Variants in HDAC1 observed in about 807,000 individuals in gnomAD.
The protein encoded by HDAC1 is histone deacetylase 1.
Under a neutral mutation model 65.5 loss-of-function variants are expected in HDAC1, and 18 were observed. That is an observed-to-expected ratio of 0.27 (90% confidence interval 0.19 to 0.41). HDAC1 has a LOEUF of 0.41. Among genes scored for constraint, HDAC1 ranks in the 10% least tolerant of loss-of-function variants. HDAC1 has a pLI of 1.00. For synonymous variants in HDAC1, 211 were observed against 227.9 expected (o/e 0.93, Z 0.67); for missense variants, 373 against 625.2 (o/e 0.60, Z 4.30).
At chr1:32,314,538 G>A (rs1641032150) in intron 2 of HDAC1, among the ~76,000 whole-genome samples, 1 of 151,928 alleles carries the variant, frequency 6.6e-6, no homozygotes, top group Admixed American at 6.6e-5. Context: ...TAAATATAGA[G>A]ATATTTCGCC....
intron 12 of HDAC1, 110 bp from the exon 13 acceptor site, chr1:32,332,587 CTCTT>C (rs1402470151): frequency 4.3e-5 from 34 of 782,280 alleles, no homozygotes; most frequent in Middle Eastern, 3.3e-4. Flanking sequence ...GGGCTTTTCT[CTCTT>C]TATGTCCAGT....
At position 32,292,210 on chromosome 1, in the gene HDAC1, A is replaced by G; in HGVS notation, c.41A>G (p.Tyr14Cys). 1 of 1,548,688 alleles carries G rather than the reference A, an allele frequency of 6.5e-7. No homozygotes were observed. The highest frequency in any genetic ancestry group is 8.7e-7 in the Non-Finnish European group (1 of 1,146,340). The change falls in exon 1 of 14, where the codon TAC becomes TGC. Residue 14 changes from tyrosine to cysteine, a missense_variant. Tyr to Cys is a radical substitution (Grantham distance 194). Around this residue, in one of 4 missense-constraint regions of HDAC1, gnomAD observed 80 missense variants for 126.3 expected, o/e 0.63. Transcript: ENST00000373548. ...GGCACCCGGAGGAAAGTCTGTTACT[A>G]CTACGACGGTGAGCACCGTCCTCGC... ...TQGTRRKVCY[Y>C]YDGDVGNYYY...
rs539170082 is a variant in HDAC1 at position 32,313,874 on chromosome 1, G to A, written c.163-2791G>A. The stretch of plus-strand genomic sequence containing the variant: ...TGTGAGTGCACCCTGTGATGGAATG[G>A]CGTCCTGTCCAAGGTTGGTTCCTTG... On this transcript the variant is annotated intron_variant, in intron 2 of 13. Coordinates refer to ENST00000373548, the MANE Select transcript of HDAC1 (RefSeq NM_004964.3). Among the ~76,000 whole-genome samples, 6 of 152,310 alleles carry A rather than the reference G, an allele frequency of 3.9e-5. No homozygotes were observed. In the East Asian group the frequency reaches 1.2e-3, roughly 29 times the overall value.
At chr1:32,315,823 A>G (rs1389300970) in intron 2 of HDAC1, among the ~76,000 whole-genome samples, 1 of 149,846 alleles carries the variant, frequency 6.7e-6, no homozygotes, top group East Asian at 2.0e-4. Flanking sequence ...AAAATTAGCC[A>G]GCGTCGTGGT....
intron 4 of HDAC1, among the ~76,000 whole-genome samples, chr1:32,325,511 A>G (rs1641204891): frequency 6.6e-6 from 1 of 152,190 alleles, no homozygotes; most frequent in Non-Finnish European, 1.5e-5. Flanking sequence ...TATCTGTGTC[A>G]CACATATACA....
chr1:32,294,576 A>G (rs1325361434), intron 1 of HDAC1, among the ~76,000 whole-genome samples: 2 of 148,358 alleles, frequency 1.3e-5, no homozygotes, highest in African/African-American at 5.0e-5. Context: ...CAGTGGCGCA[A>G]TCTCGGCTCA....
At chr1:32,319,114 G>T (rs1307224503) in intron 3 of HDAC1, among the ~76,000 whole-genome samples, 1 of 151,574 alleles carries the variant, frequency 6.6e-6, no homozygotes, top group South Asian at 2.1e-4. Flanking sequence ...GCGAGACTCC[G>T]TCTCAAAAAA....
In HDAC1 at chr1:32,324,467, A is replaced by C; in HGVS notation, c.281-12A>C. ...AATTGTGGAAACTAACCTTTTGCTTATTTCTTTCAAGTCAACGTTGGTGAG... is the reference window on the plus strand; with the variant it reads ...AATTGTGGAAACTAACCTTTTGCTTCTTTCTTTCAAGTCAACGTTGGTGAG... On this transcript the variant is annotated splice_polypyrimidine_tract_variant and intron_variant, in intron 3 of 13. Transcript: ENST00000373548. The C allele has an allele frequency of 1.3e-6, 2 of 1,596,940 alleles. No individual in the cohort carries two copies. The highest frequency in any genetic ancestry group is 1.7e-6 in the Non-Finnish European group (2 of 1,164,780).
At chr1:32,332,592 T>C in intron 12 of HDAC1, 109 bp from the exon 13 acceptor site, 1 of 805,100 alleles carries the variant, frequency 1.2e-6, no homozygotes, top group East Asian at 2.7e-5. Flanking sequence ...TTTCTCTCTT[T>C]ATGTCCAGTG....
At chr1:32,295,062 T>C (rs767172293) in intron 1 of HDAC1, among the ~76,000 whole-genome samples, 6 of 152,172 alleles carry the variant, frequency 3.9e-5, no homozygotes, top group African/African-American at 1.2e-4. Flanking sequence ...GTTTAGAAGA[T>C]AGAAATTTTT....
intron 2 of HDAC1, among the ~76,000 whole-genome samples, chr1:32,307,102 A>G (rs57246329): frequency 0.045 from 6,867 of 152,152 alleles, 508 homozygotes; most frequent in African/African-American, 0.16. Flanking sequence ...AAAATTAGCC[A>G]GACGTGGTGG....
In HDAC1 at chr1:32,330,830, G is replaced by A. The variant is rs1435218430; in HGVS notation, c.901G>A (p.Gly301Ser). 3 of 1,613,950 alleles carry A rather than the reference G, an allele frequency of 1.9e-6. No individual in the cohort carries two copies. Among genetic ancestry groups the A allele is most frequent in the Non-Finnish European group, 1.7e-6 (2 of 1,179,958 alleles). Residue 301 changes from glycine to serine, a missense_variant, in exon 9 of 14, where the codon GGT (glycine) becomes AGT (serine). Gly to Ser is a moderately conservative substitution (Grantham distance 56). Coordinates refer to ENST00000373548, the MANE Select transcript of HDAC1 (RefSeq NM_004964.3). The surrounding 1 kb of genome is among the most constrained non-coding windows in gnomAD (Gnocchi z 4.2). ...FNLPMLMLGG[G>S]GYTIRNVARC... ...CCTGCCTATGCTGATGCTGGGAGGC[G>A]GTGGTTACACCATTCGTAACGTTGC...
Position 32,327,331 on chromosome 1 carries a change from A to G in HDAC1, c.495-205A>G, listed in dbSNP as rs1401409394. 49 of 620,108 alleles carry G rather than the reference A, an allele frequency of 7.9e-5. No individual in the cohort carries two copies. The highest frequency in any genetic ancestry group is 1.3e-4 in the Non-Finnish European group (47 of 352,532). The allele number at this position is 620,108 out of a possible 1,614,324, so 38.4% of individuals were successfully genotyped here. A position where few individuals can be genotyped will look rare whatever the true frequency, so the allele number is the denominator to read the frequency against. On this transcript the variant is annotated intron_variant, in intron 5 of 13. Coordinates refer to ENST00000373548, the MANE Select transcript of HDAC1 (RefSeq NM_004964.3). The surrounding 1 kb of genome is among the most constrained non-coding windows in gnomAD (Gnocchi z 6.0). ...TGTGGCTGGAGTTGACCCTGGCTGT[A>G]GAGTAGGAAGATCGGACTTGGTCGG...
intron 2 of HDAC1, among the ~76,000 whole-genome samples, chr1:32,308,909 C>T (rs1327720747): frequency 1.3e-5 from 2 of 152,182 alleles, no homozygotes; most frequent in Non-Finnish European, 1.5e-5. Context: ...CCCTCCTGGG[C>T]TCAAGTGATC....
rs1641263467 is a variant in HDAC1, at chr1:32,329,529, G to A, written c.729+369G>A. 6.4e-6 allele frequency: 2 copies of A among 314,350 alleles called. No individual in the cohort carries two copies. Among genetic ancestry groups the A allele is most frequent in the African/African-American group, 2.1e-5 (1 of 47,506 alleles). 19.5% of individuals were successfully genotyped at this position (314,350 alleles called of 1,614,324 possible). A position where few individuals can be genotyped will look rare whatever the true frequency, so the allele number is the denominator to read the frequency against. On this transcript the variant is annotated intron_variant, in intron 7 of 13. Coordinates refer to ENST00000373548, the MANE Select transcript of HDAC1 (RefSeq NM_004964.3). The surrounding 1 kb of genome is among the most constrained non-coding windows in gnomAD (Gnocchi z 4.1). ...CTTTTGGTAGTGGTATGTCTCCTTG[G>A]TTTTTTGTGTTCCTCATTGCCTTAC...
At chr1:32,313,986 CAAT>C (rs1324066545) in intron 2 of HDAC1, among the ~76,000 whole-genome samples, 7 of 152,094 alleles carry the variant, frequency 4.6e-5, no homozygotes, top group Non-Finnish European at 1.0e-4. Context: ...ATAAAGTAGA[CAAT>C]AATCATACAG....
intron 1 of HDAC1, among the ~76,000 whole-genome samples, chr1:32,294,542 C>T (rs1378812399): frequency 8.7e-5 from 11 of 126,312 alleles, no homozygotes; most frequent in South Asian, 2.6e-4. Flanking sequence ...GATGGAGTCT[C>T]GCTCTGTCGC....
intron 2 of HDAC1, among the ~76,000 whole-genome samples, chr1:32,309,570 C>G (rs1640960537): frequency 3.3e-5 from 5 of 151,742 alleles, no homozygotes; most frequent in Admixed American, 3.3e-4. Flanking sequence ...GCCTGTAATC[C>G]CGACTACTCA....
At position 32,327,705 on chromosome 1, in the gene HDAC1, G is replaced by C. The variant is rs867277996; in HGVS notation, c.636+28G>C. ...GAGAACGCCCTTTAGGAGCCAACCG[G>C]CTTACCCTCAGCTGGCAGCTCTACT... On this transcript the variant is annotated intron_variant, in intron 6 of 13. Transcript: ENST00000373548. This position sits in a 1 kb window ranked among gnomAD's most constrained non-coding sequence, Gnocchi z 6.0. 6.2e-7 allele frequency: 1 copy of C among 1,611,414 alleles called. No individual in the cohort carries two copies. The highest frequency in any genetic ancestry group is 2.2e-5 in the East Asian group (1 of 44,884).
Sources: allele counts gnomAD v4.1 joint callset (sites outside exome capture counted in the v4.1 genomes callset), GRCh38; gene constraint gnomAD v4.1.1; regional missense constraint gnomAD v4.1.1; non-coding constraint Gnocchi (gnomAD v3.1); transcripts MANE v1.5; gene names NCBI Gene and HGNC (gene_info 2026-07-23, HGNC 2026-07-21).